PCDHGA5: variants seen among roughly 807,000 people sequenced by gnomAD.
PCDHGA5 encodes protocadherin gamma-A5.
PCDHGA5 carries 36 observed loss-of-function variants against 56.7 expected under a neutral mutation model. The ratio of observed to expected loss-of-function variants is 0.64; its 90% CI spans 0.49 to 0.84. The LOEUF (loss-of-function observed/expected upper bound fraction) is 0.84, where lower values mean the gene tolerates loss of function less well. Ranked by LOEUF, PCDHGA5 falls within the 40% of genes least tolerant of loss-of-function variation. The pLI is 0.00. For missense variants in PCDHGA5, 1,305 were observed against 1,201.5 expected, an observed-to-expected ratio of 1.09 and a Z score of -1.27; for synonymous variants, 563 against 520.2, an observed-to-expected ratio of 1.08 and a Z score of -1.12.
Position 141,389,835 on chromosome 5 carries a change from C to T in PCDHGA5, c.2421+23084C>T, listed in dbSNP as rs1238547778. 4.3e-6 allele frequency: 7 copies of T among 1,614,002 alleles called. No homozygotes were observed. The South Asian group carries it at 7.7e-5, about 18-fold the overall frequency. On this transcript the variant is annotated intron_variant, in intron 1 of 3. Transcript: ENST00000518069. ...CGCCGTGCGTGACGGTGGACAGCCA[C>T]CACTCTCGGCCACTGCCACGTTGCA...
At chr5:141,427,999 T>C (rs1319115693) in intron 1 of PCDHGA5, 9 of 1,601,068 alleles carry the variant, frequency 5.6e-6, no homozygotes, top group African/African-American at 1.3e-5. Context: ...GGCTCCGCAC[T>C]CTTCGATATA....
In PCDHGA5 at chr5:141,491,803, C is replaced by T. The variant is rs2099730932; in HGVS notation, c.2422-3004C>T. ...CTTGCATCCACTCCTCTCCGGCCGG[C>T]TTGGTCGCTGGCTGCGCTCCACCCG... On this transcript the variant is annotated intron_variant, in intron 1 of 3. Transcript: ENST00000518069. This position sits in a 1 kb window ranked among gnomAD's most constrained non-coding sequence, Gnocchi z 6.9. 1 of 1,497,820 alleles carries T rather than the reference C, an allele frequency of 6.7e-7. No individual in the cohort carries two copies. Among genetic ancestry groups the T allele is most frequent in the Non-Finnish European group, 8.9e-7 (1 of 1,124,124 alleles). 92.8% of individuals were successfully genotyped at this position (1,497,820 alleles called of 1,614,324 possible).
intron 1 of PCDHGA5, chr5:141,417,670 A>T: frequency 1.1e-6 from 1 of 929,118 alleles, no homozygotes; most frequent in Admixed American, 3.2e-5. Context: ...TTCCCTGCGC[A>T]GCCAACAACA....
intron 1 of PCDHGA5, chr5:141,385,030 C>T (rs1448535123): frequency 6.2e-7 from 1 of 1,614,070 alleles, no homozygotes; most frequent in Non-Finnish European, 8.5e-7. Flanking sequence ...CGTCCTCGTA[C>T]TGCTGGCGCT....
chr5:141,487,751 G>A lies in PCDHGA5; in HGVS notation c.2422-7056G>A. ...CACCATTTTTGTAAGAGGTAACTAT[G>A]TGGTAGACGCTGTGCTTTGTAACTG... On this transcript the variant is annotated intron_variant, in intron 1 of 3. Coordinates refer to ENST00000518069, the MANE Select transcript of PCDHGA5 (RefSeq NM_018918.3). This position sits in a 1 kb window ranked among gnomAD's most constrained non-coding sequence, Gnocchi z 5.0. 1 of 1,555,004 alleles carries A rather than the reference G, an allele frequency of 6.4e-7. No homozygotes were observed.
rs1421497518 is a variant in PCDHGA5 at position 141,431,979 on chromosome 5, A to G, written c.2422-62828A>G. ...GGAAATTACTATAGTTTAGTCACAGACATAGTCTTGGATAGGGAACAGGTT... is the reference window on the plus strand; with the variant it reads ...GGAAATTACTATAGTTTAGTCACAGGCATAGTCTTGGATAGGGAACAGGTT... On this transcript the variant is annotated intron_variant, in intron 1 of 3. Coordinates refer to ENST00000518069, the MANE Select transcript of PCDHGA5 (RefSeq NM_018918.3). This position sits in a 1 kb window ranked among gnomAD's most constrained non-coding sequence, Gnocchi z 4.8. 6.2e-7 allele frequency: 1 copy of G among 1,614,078 alleles called. No homozygotes were observed. The highest frequency in any genetic ancestry group is 1.3e-5 in the African/African-American group (1 of 74,932).
At chr5:141,415,688 T>C (rs373105795) in intron 1 of PCDHGA5, 1 of 1,546,006 alleles carries the variant, frequency 6.5e-7, no homozygotes, top group Admixed American at 2.0e-5. Context: ...GGCATGATGG[T>C]GGAAAGTGTA....
chr5:141,507,525 A>T (rs1053801558), intron 3 of PCDHGA5, among the ~76,000 whole-genome samples: 1 of 152,000 alleles, frequency 6.6e-6, no homozygotes, highest in Non-Finnish European at 1.5e-5. Context: ...ATGATTCCAG[A>T]GAGGCCAGAG....
intron 1 of PCDHGA5, among the ~76,000 whole-genome samples, chr5:141,368,795 A>G (rs1765861379): frequency 6.6e-6 from 1 of 152,188 alleles, no homozygotes; most frequent in Non-Finnish European, 1.5e-5. Flanking sequence ...ATAATTTTTC[A>G]TACTAATTGA....
At position 141,476,209 on chromosome 5, in the gene PCDHGA5, G is replaced by A. The variant is rs749576231; in HGVS notation, c.2422-18598G>A. ...TTGGTGCCTTGAACAAGGCTTCCAC[G>A]GTCATTCACTATGAGATCCCGGAGG... On this transcript the variant is annotated intron_variant, in intron 1 of 3. Coordinates refer to ENST00000518069, the MANE Select transcript of PCDHGA5 (RefSeq NM_018918.3). The surrounding 1 kb of genome is among the most constrained non-coding windows in gnomAD (Gnocchi z 7.6). The A allele has an allele frequency of 3.1e-6, 5 of 1,613,974 alleles. No individual in the cohort carries two copies. Among genetic ancestry groups the A allele is most frequent in the Admixed American group, 1.7e-5 (1 of 60,014 alleles).
chr5:141,447,516 A>G (rs997127013), intron 1 of PCDHGA5, among the ~76,000 whole-genome samples: 1 of 152,220 alleles, frequency 6.6e-6, no homozygotes, highest in African/African-American at 2.4e-5. Flanking sequence ...ATGCATAACA[A>G]TCATAACAAA....
chr5:141,496,513 G>A (rs1364297990), intron 2 of PCDHGA5, among the ~76,000 whole-genome samples: 1 of 152,140 alleles, frequency 6.6e-6, no homozygotes, highest in Non-Finnish European at 1.5e-5. Context: ...CAAGGACCCA[G>A]GAGCCCTTGG....
chr5:141,394,616 C>A, intron 1 of PCDHGA5: 1 of 1,613,490 alleles, frequency 6.2e-7, no homozygotes, highest in African/African-American at 1.3e-5. Flanking sequence ...CGGGCCAGAA[C>A]GCCTGGCTGT....
intron 1 of PCDHGA5, chr5:141,394,322 G>C (rs1438978424): frequency 1.9e-6 from 3 of 1,613,842 alleles, no homozygotes; most frequent in Non-Finnish European, 2.5e-6. Context: ...CCCTGTCCTC[G>C]TATATCTCCA....
chr5:141,494,678 G>A, intron 1 of PCDHGA5, 129 bp from the exon 2 acceptor site: 1 of 1,554,384 alleles, frequency 6.4e-7, no homozygotes, highest in Non-Finnish European at 8.7e-7. Flanking sequence ...GTCCACCCCT[G>A]CCCCCTCTTA....
intron 1 of PCDHGA5, chr5:141,383,044 GC>G: frequency 1.2e-6 from 2 of 1,613,878 alleles, no homozygotes; most frequent in Non-Finnish European, 8.5e-7. Context: ...GGGAGACATC[GC>G]CAAGGACCTG....
At chr5:141,410,849 C>CTTTTTTGTTTTTTTTTTTTTTT (rs2095433183) in intron 1 of PCDHGA5, 1 of 129,786 alleles carries the variant, frequency 7.7e-6, no homozygotes, top group African/African-American at 6.0e-5. Flanking sequence ...TTGTCTTTGT[C>CTTTTTTGTTTTTTTTTTTTTTT]TTTTTTTTTT....
rs1403163275 is a variant in PCDHGA5 at position 141,441,708 on chromosome 5, A to T, written c.2422-53099A>T. ...AGAGCAGCCGCGAGCCTTCAAGCTC[A>T]CGCTGCAGGCCCGCGACCAGGACTA... On this transcript the variant is annotated intron_variant, in intron 1 of 3. Coordinates refer to ENST00000518069, the MANE Select transcript of PCDHGA5 (RefSeq NM_018918.3). 2.8e-5 allele frequency: 9 copies of T among 319,492 alleles called. No homozygotes were observed. In the East Asian group the frequency reaches 1.0e-3, roughly 37 times the overall value. 19.8% of individuals were successfully genotyped at this position (319,492 alleles called of 1,614,324 possible).
chr5:141,380,304 C>T (rs1241911160), intron 1 of PCDHGA5, among the ~76,000 whole-genome samples: 3 of 151,974 alleles, frequency 2.0e-5, no homozygotes, highest in Non-Finnish European at 2.9e-5. Flanking sequence ...TATATCTTTG[C>T]TTGAGAATGA....
Sources: allele counts gnomAD v4.1 joint callset (sites outside exome capture counted in the v4.1 genomes callset), GRCh38; gene constraint gnomAD v4.1.1; non-coding constraint Gnocchi (gnomAD v3.1); transcripts MANE v1.5; gene names NCBI Gene and HGNC (gene_info 2026-07-23, HGNC 2026-07-21).